FAIM2: variants seen among roughly 807,000 people sequenced by gnomAD.
FAIM2 encodes protein lifeguard 2.
FAIM2 carries 27 observed loss-of-function variants against 47.4 expected under a neutral mutation model. The ratio of observed to expected loss-of-function variants is 0.57; its 90% CI spans 0.42 to 0.78. The LOEUF is 0.78. FAIM2 is among the 30% of genes least tolerant of loss of function. FAIM2 has a pLI of 0.00. For synonymous variants in FAIM2, 156 were observed against 159.3 expected, an observed-to-expected ratio of 0.98 and a Z score of 0.16; for missense variants, 311 against 389.4, an observed-to-expected ratio of 0.80 and a Z score of 1.69.
intron 11 of FAIM2, among the ~76,000 whole-genome samples, chr12:49,872,287 A>G (rs1946708443): frequency 6.6e-6 from 1 of 152,176 alleles, no homozygotes; most frequent in Admixed American, 6.5e-5. Context: ...GAGAGGTGGC[A>G]TTTCACCTGA....
In FAIM2 at chr12:49,878,385, T is replaced by TGC. The variant is rs1491342680; in HGVS notation, c.802-7733_802-7732insGC. On this transcript the variant is annotated intron_variant, in intron 11 of 11. Coordinates refer to ENST00000320634, the MANE Select transcript of FAIM2 (RefSeq NM_012306.4). ...GTATATGTGGGCATGTGCATGTGTG[T>TGC]ATATGTGTGTGTCTGTGTGCATGTG... is the stretch of plus-strand genomic sequence containing the variant. 1.0e-3 allele frequency among the ~76,000 whole-genome samples: 70 copies of TGC among 67,170 alleles called. 10 individuals carry two copies. Among genetic ancestry groups the TGC allele is most frequent in the African/African-American group, 5.5e-3 (61 of 11,064 alleles). The allele number at this position is 67,170 out of a possible 152,430, so 44.1% of individuals were successfully genotyped here. A position where few individuals can be genotyped will look rare whatever the true frequency, so the allele number is the denominator to read the frequency against.
At chr12:49,880,614 G>A (rs1336833346) in intron 11 of FAIM2, among the ~76,000 whole-genome samples, 6 of 96,488 alleles carry the variant, frequency 6.2e-5, no homozygotes, top group African/African-American at 3.0e-4. Context: ...GTGCATGTGA[G>A]TGTATGTGCA....
At position 49,870,519 on chromosome 12, in the gene FAIM2, G is replaced by A. The variant is rs1381955760; in HGVS notation, c.936C>T (p.Gly312=). Residue 312 remains glycine (G), a synonymous_variant, in exon 12 of 12, where the codon GGC becomes GGT. Transcript: ENST00000320634. ...GGAGGGCTCCTCATTCTCGGTTAGT[G>A]CCAAAAAGCTGCAGGAAGAAGGTGA... ...YIFTFFLQLF[G]TNRE The A allele has an allele frequency of 6.2e-7, 1 of 1,613,754 alleles. No homozygotes were observed. The highest frequency in any genetic ancestry group is 8.5e-7 in the Non-Finnish European group (1 of 1,179,854).
intron 11 of FAIM2, among the ~76,000 whole-genome samples, chr12:49,883,062 A>C (rs1249490668): frequency 6.6e-6 from 1 of 152,204 alleles, no homozygotes; most frequent in Non-Finnish European, 1.5e-5. Context: ...AGACAGAGGT[A>C]GGTGCAGAGG....
chr12:49,873,312 A>C (rs760730209), intron 11 of FAIM2, among the ~76,000 whole-genome samples: 13 of 152,088 alleles, frequency 8.5e-5, no homozygotes, highest in Admixed American at 4.6e-4. Context: ...TTGAGGGTAG[A>C]TTTATGACAG....
chr12:49,892,772 C>CT (rs1311834620), intron 5 of FAIM2, among the ~76,000 whole-genome samples: 1 of 152,170 alleles, frequency 6.6e-6, no homozygotes, highest in Non-Finnish European at 1.5e-5. Context: ...CTATATTTTC[C>CT]TTTTCAACCC....
rs78193624 is a variant in FAIM2, at chr12:49,897,668, T to A, written c.316-85A>T. 4,000 of 998,024 alleles carry A rather than the reference T, an allele frequency of 4.0e-3. 153 individuals are homozygous for A. The East Asian group carries it at 0.086, about 21-fold the overall frequency. The allele number at this position is 998,024 out of a possible 1,614,324, so 61.8% of individuals were successfully genotyped here. On this transcript the variant is annotated intron_variant, in intron 3 of 11. Coordinates refer to ENST00000320634, the MANE Select transcript of FAIM2 (RefSeq NM_012306.4). ...GCAGTGACTCAGTCACCTCTCCAGG[T>A]CCCCATCCTGTGCACTCCACCCTCC...
chr12:49,873,819 C>G (rs897617956), intron 11 of FAIM2, among the ~76,000 whole-genome samples: 4 of 152,230 alleles, frequency 2.6e-5, no homozygotes, highest in Non-Finnish European at 5.9e-5. Flanking sequence ...TATGACCCAT[C>G]ACTGCCACCT....
At chr12:49,898,669 G>GGTGCACACCTGTA (rs1946959349) in intron 2 of FAIM2, among the ~76,000 whole-genome samples, 1 of 152,160 alleles carries the variant, frequency 6.6e-6, no homozygotes, top group East Asian at 1.9e-4. Flanking sequence ...TGGGACTACA[G>GGTGCACACCTGTA]GTGCACACCA....
chr12:49,887,301 T>C, intron 11 of FAIM2, 85 bp downstream of exon 11: 1 of 1,237,124 alleles, frequency 8.1e-7, no homozygotes, highest in Non-Finnish European at 1.2e-6. Context: ...GGAAGAGGGC[T>C]GTGAGGAAGA....
chr12:49,879,955 T>G (rs1403694780), intron 11 of FAIM2, among the ~76,000 whole-genome samples: 1 of 73,436 alleles, frequency 1.4e-5, no homozygotes, highest in African/African-American at 6.6e-5. Context: ...TATGTGCGCT[T>G]GTATGTGCAT....
At chr12:49,892,533 T>C (rs777262071) in intron 5 of FAIM2, among the ~76,000 whole-genome samples, 2 of 152,196 alleles carry the variant, frequency 1.3e-5, no homozygotes, top group Admixed American at 1.3e-4. Context: ...CAGTGGATGC[T>C]TGTCAGTCCT....
At chr12:49,883,181 C>A (rs921746983) in intron 11 of FAIM2, among the ~76,000 whole-genome samples, 1 of 152,024 alleles carries the variant, frequency 6.6e-6, no homozygotes, top group Admixed American at 6.6e-5. Flanking sequence ...GAAGCGATTG[C>A]GGGATGCTCA....
intron 11 of FAIM2, among the ~76,000 whole-genome samples, chr12:49,881,213 T>C (rs944231747): frequency 2.7e-5 from 4 of 149,114 alleles, no homozygotes; most frequent in Non-Finnish European, 4.5e-5. Context: ...TGCAGTGACC[T>C]CCTAACTGGT....
intron 2 of FAIM2, among the ~76,000 whole-genome samples, chr12:49,900,603 C>G (rs1032031142): frequency 1.3e-5 from 2 of 152,130 alleles, no homozygotes; most frequent in Non-Finnish European, 2.9e-5. Context: ...GGGAAGGGAA[C>G]AGATATGAGA....
rs1756115259 is a variant in FAIM2 at position 49,869,593 on chromosome 12, C to G, written c.*911G>C. 1 of 152,564 alleles carries G rather than the reference C, an allele frequency of 6.6e-6. No homozygotes were observed. Among genetic ancestry groups the G allele is most frequent in the Non-Finnish European group, 1.5e-5 (1 of 68,354 alleles). The allele number at this position is 152,564 out of a possible 1,614,324, so 9.5% of individuals were successfully genotyped here. On this transcript the variant is annotated 3_prime_UTR_variant, in exon 12 of 12. Coordinates refer to ENST00000320634, the MANE Select transcript of FAIM2 (RefSeq NM_012306.4). Reference sequence around the variant, plus strand: ...GCAGCTACAGCGATTGCCTCCTCCCCCAGAACATCCAGCCGGAGGGCCCAA... The same window carrying G: ...GCAGCTACAGCGATTGCCTCCTCCCGCAGAACATCCAGCCGGAGGGCCCAA...
chr12:49,890,596 A>G (rs761272560), intron 7 of FAIM2, 87 bp downstream of exon 7: 23 of 1,286,170 alleles, frequency 1.8e-5, no homozygotes, highest in Non-Finnish European at 2.2e-5. Flanking sequence ...TCCCCAGCCC[A>G]GTCTTCCTGG....
At chr12:49,891,237 G>T (rs897858988) in intron 5 of FAIM2, 123 bp from the exon 6 acceptor site, 6 of 863,710 alleles carry the variant, frequency 6.9e-6, no homozygotes, top group African/African-American at 5.0e-5. Flanking sequence ...ACAGGATGGG[G>T]AGGCCACGGT....
intron 3 of FAIM2, among the ~76,000 whole-genome samples, 196 bp downstream of exon 3, chr12:49,897,791 G>A (rs776247129): frequency 6.6e-6 from 1 of 152,068 alleles, no homozygotes; most frequent in Non-Finnish European, 1.5e-5. Context: ...GGAGAAAAGA[G>A]GGGACAGTGT....
Sources: gnomAD v4.1 joint callset for allele counts (sites outside exome capture counted in the v4.1 genomes callset) on GRCh38, gnomAD v4.1.1 for gene constraint, MANE v1.5 for transcripts, NCBI Gene and HGNC (gene_info 2026-07-23, HGNC 2026-07-21) for gene names.